Variants in RMDN2 observed in about 807,000 individuals in gnomAD.
RMDN2 encodes the protein regulator of microtubule dynamics protein 2.
In RMDN2, 61 loss-of-function variants were observed where a neutral mutation model predicts 52.8. The observed-to-expected ratio is 1.16, with a 90% CI of 0.94 to 1.43. The LOEUF is 1.43. Among genes scored for constraint, RMDN2 ranks in the 40% most tolerant of loss-of-function variants. RMDN2 has a pLI of 0.00. For missense variants in RMDN2, 592 were observed against 475.3 expected, an observed-to-expected ratio of 1.25 and a Z score of -2.28; for synonymous variants, 180 against 153.1, an observed-to-expected ratio of 1.18 and a Z score of -1.30.
chr2:37,925,637 C>G (rs1008056308), intron 1 of RMDN2, among the ~76,000 whole-genome samples: 4 of 152,242 alleles, frequency 2.6e-5, no homozygotes, highest in Admixed American at 2.0e-4. Flanking sequence ...TCATCCCTCG[C>G]TGACCCTGCG....
intron 10 of RMDN2, among the ~76,000 whole-genome samples, chr2:38,048,539 C>G (rs557552159): frequency 6.6e-6 from 1 of 152,158 alleles, no homozygotes; most frequent in Admixed American, 6.5e-5. Context: ...TGAGCTGGCC[C>G]GGCCCTTCTC....
chr2:37,990,639 T>A (rs1374514430), intron 6 of RMDN2, among the ~76,000 whole-genome samples: 2 of 150,510 alleles, frequency 1.3e-5, no homozygotes, highest in African/African-American at 4.9e-5. Flanking sequence ...AAAAGTAGGA[T>A]CCAATGTAGG....
intron 8 of RMDN2, chr2:38,002,869 C>G (rs1028424402): frequency 4.6e-5 from 7 of 152,258 alleles, no homozygotes; most frequent in African/African-American, 7.2e-5. Flanking sequence ...TTCTACCCCC[C>G]TCTAGGGTGG....
At chr2:37,925,051 G>T (rs931117711), upstream of RMDN2, among the ~76,000 whole-genome samples, 1 of 152,236 alleles carries the variant, frequency 6.6e-6, no homozygotes, top group African/African-American at 2.4e-5. Context: ...GAACGCGCTG[G>T]GGCTAGCGCG....
At chr2:38,042,950 C>G (rs536503250) in intron 10 of RMDN2, among the ~76,000 whole-genome samples, 2 of 152,168 alleles carry the variant, frequency 1.3e-5, no homozygotes, top group African/African-American at 4.8e-5. Flanking sequence ...TCCATGTGAC[C>G]TAGAGAATAA....
intron 10 of RMDN2, among the ~76,000 whole-genome samples, chr2:38,031,582 C>G (rs1680212094): frequency 6.6e-6 from 1 of 152,180 alleles, no homozygotes; most frequent in South Asian, 2.1e-4. Context: ...CAAATGAACT[C>G]TTCCATTTGT....
chr2:37,977,641 C>CG (rs1672693163), intron 4 of RMDN2, among the ~76,000 whole-genome samples: 2 of 151,414 alleles, frequency 1.3e-5, no homozygotes, highest in Non-Finnish European at 2.9e-5. Flanking sequence ...ACCTCCCAGA[C>CG]GGGGTGCCAG....
chr2:37,976,512 C>G (rs1357719327), intron 4 of RMDN2: 1 of 152,214 alleles, frequency 6.6e-6, no homozygotes. Context: ...GAAAGTTTTA[C>G]CAAACTCCTT....
At chr2:37,977,480 C>A (rs1378750986) in intron 4 of RMDN2, among the ~76,000 whole-genome samples, 1 of 151,274 alleles carries the variant, frequency 6.6e-6, no homozygotes, top group African/African-American at 2.4e-5. Flanking sequence ...CCCCCACCTC[C>A]CGGACGGGGC....
intron 2 of RMDN2, among the ~76,000 whole-genome samples, chr2:37,957,947 G>T (rs1335861258): frequency 6.6e-6 from 1 of 152,070 alleles, no homozygotes; most frequent in East Asian, 1.9e-4. Context: ...CAAAGATCAG[G>T]TGGTTGTAGA....
Position 37,929,394 on chromosome 2 carries a change from AC to A in RMDN2, c.119del (p.Pro40LeufsTer13). 1.3e-6 allele frequency: 2 copies of A among 1,551,516 alleles called. No homozygotes were observed. The highest frequency in any genetic ancestry group is 1.7e-6 in the Non-Finnish European group (2 of 1,146,696). On this transcript the variant is annotated frameshift_variant, in exon 2 of 11. Transcript: ENST00000354545. LOFTEE classifies it high-confidence loss of function. ...GTAAACCAGGGATAGCAATGAAGTTACCTGAATTTCTTTCTCTGGGTAATAC... is the reference window on the plus strand; with the variant it reads ...GTAAACCAGGGATAGCAATGAAGTTACTGAATTTCTTTCTCTGGGTAATAC... ...VRKPGIAMKL[P>X]EFLSLGNTFN...
At chr2:37,982,954 G>A (rs74386632) in intron 5 of RMDN2, among the ~76,000 whole-genome samples, 2,196 of 152,138 alleles carry the variant, frequency 0.014, 53 homozygotes, top group African/African-American at 0.048. Flanking sequence ...AGGTATTTGG[G>A]AACTGGTTAG....
rs1573080126 is a variant in RMDN2 at position 38,010,766 on chromosome 2, G to A, written c.1180-6420G>A. On this transcript the variant is annotated intron_variant, in intron 10 of 10. Coordinates refer to ENST00000354545, the MANE Select transcript of RMDN2 (RefSeq NM_001170791.3). Reference sequence around the variant, plus strand: ...CCAGTGAGATGCACCCGGTACCTCAGGTGGAAATGCAGAAATCACCCATCT... The same window carrying A: ...CCAGTGAGATGCACCCGGTACCTCAAGTGGAAATGCAGAAATCACCCATCT... Among the ~76,000 whole-genome samples, 4 of 152,262 alleles carry A rather than the reference G, an allele frequency of 2.6e-5. 1 individual carries two copies. Among genetic ancestry groups the A allele is most frequent in the Admixed American group, 2.6e-4 (4 of 15,294 alleles).
At position 37,929,693 on chromosome 2, in the gene RMDN2, C is replaced by T; in HGVS notation, c.416C>T (p.Thr139Ile). ...RRLPTIQSSA[T>I]SNSSEEAESE... ...CTCCCCACAATTCAAAGTTCAGCAA[C>T]AAGTAATAGTTCAGAGGAAGCAGAA... The change falls in exon 2 of 11, where the codon ACA (threonine) becomes ATA (isoleucine). Residue 139 changes from threonine to isoleucine, a missense_variant. Physicochemically the swap from Thr to Ile is moderately conservative, Grantham distance 89. Coordinates refer to ENST00000354545, the MANE Select transcript of RMDN2 (RefSeq NM_001170791.3). 1.3e-6 allele frequency: 2 copies of T among 1,527,522 alleles called. No homozygotes were observed. The highest frequency in any genetic ancestry group is 1.8e-6 in the Non-Finnish European group (2 of 1,140,844). 94.6% of individuals were successfully genotyped at this position (1,527,522 alleles called of 1,614,324 possible).
chr2:37,924,439 C>T (rs1242972282), upstream of RMDN2, among the ~76,000 whole-genome samples: 1 of 152,232 alleles, frequency 6.6e-6, no homozygotes, highest in Non-Finnish European at 1.5e-5. Context: ...GATCTCGCCT[C>T]ACTGCAACCT....
chr2:37,995,416 G>C (rs1675407879), intron 7 of RMDN2, among the ~76,000 whole-genome samples: 1 of 151,840 alleles, frequency 6.6e-6, no homozygotes, highest in African/African-American at 2.4e-5. Context: ...GAGATAAAGA[G>C]TGTAACTATA....
At chr2:38,016,421 T>A in intron 10 of RMDN2, among the ~76,000 whole-genome samples, 1 of 152,360 alleles carries the variant, frequency 6.6e-6, no homozygotes, top group South Asian at 2.1e-4. Flanking sequence ...TTAACTTTTA[T>A]TCATACCAAA....
At chr2:37,987,911 T>C (rs1674251063) in intron 5 of RMDN2, among the ~76,000 whole-genome samples, 1 of 151,970 alleles carries the variant, frequency 6.6e-6, no homozygotes, top group African/African-American at 2.4e-5. Context: ...ATACAAAAAT[T>C]AGCCAGGCAT....
At chr2:37,985,041 T>G (rs1434013231) in intron 5 of RMDN2, among the ~76,000 whole-genome samples, 1 of 152,086 alleles carries the variant, frequency 6.6e-6, no homozygotes, top group Admixed American at 6.6e-5. Context: ...CAAAAAAATA[T>G]GAAAAATGTA....
Sources: allele counts gnomAD v4.1 joint callset (sites outside exome capture counted in the v4.1 genomes callset), GRCh38; gene constraint gnomAD v4.1.1; transcripts MANE v1.5; gene names NCBI Gene and HGNC (gene_info 2026-07-23, HGNC 2026-07-21).